Variants in FLNB observed in about 807,000 individuals in gnomAD.
FLNB encodes filamin-B.
In FLNB, 111 loss-of-function variants were observed where a neutral mutation model predicts 250.6. That is an observed-to-expected ratio of 0.44 (90% CI 0.38 to 0.52). The LOEUF is 0.52. Among genes scored for constraint, FLNB ranks in the 20% least tolerant of loss-of-function variants. The pLI, the probability that FLNB is intolerant of heterozygous loss-of-function variation, is 0.00. For missense variants in FLNB, 2,869 were observed against 3,447.8 expected (o/e 0.83, Z 4.20); for synonymous variants, 1,302 against 1,372.1 (o/e 0.95, Z 1.13).
intron 1 of FLNB, among the ~76,000 whole-genome samples, chr3:58,059,729 A>G (rs2097175360): frequency 6.6e-6 from 1 of 152,208 alleles, no homozygotes; most frequent in African/African-American, 2.4e-5. Context: ...TCTTACTGCC[A>G]CGACCGTTTA....
At chr3:58,148,406 G>A (rs560768340) in intron 35 of FLNB, 42 bp downstream of exon 35, 4 of 1,598,214 alleles carry the variant, frequency 2.5e-6, no homozygotes, top group South Asian at 1.1e-5. Flanking sequence ...AGGACATCTT[G>A]GGTGGGAGAT....
intron 26 of FLNB, among the ~76,000 whole-genome samples, chr3:58,134,334 C>T (rs924965197): frequency 2.0e-5 from 3 of 152,168 alleles, no homozygotes; most frequent in Non-Finnish European, 4.4e-5. Context: ...AAAGCATTCC[C>T]CCACCAGGCC....
intron 4 of FLNB, among the ~76,000 whole-genome samples, chr3:58,093,680 C>G (rs534011629): frequency 6.6e-6 from 1 of 152,028 alleles, no homozygotes; most frequent in South Asian, 2.1e-4. Context: ...CAGATGTTTA[C>G]AGCAGCTTTA....
chr3:58,037,229 A>C (rs968894818), intron 1 of FLNB, among the ~76,000 whole-genome samples: 72 of 152,012 alleles, frequency 4.7e-4, no homozygotes, highest in African/African-American at 1.7e-3. Flanking sequence ...CACACCCAGC[A>C]GATTTTTGTA....
intron 29 of FLNB, 79 bp downstream of exon 29, chr3:58,138,608 G>C: frequency 6.4e-7 from 1 of 1,570,416 alleles, no homozygotes; most frequent in Non-Finnish European, 8.7e-7. Flanking sequence ...CCCTGACTAG[G>C]ATATCCTCTT....
At chr3:58,070,797 C>T (rs1357582830) in intron 1 of FLNB, among the ~76,000 whole-genome samples, 4 of 151,648 alleles carry the variant, frequency 2.6e-5, no homozygotes, top group Non-Finnish European at 5.9e-5. Flanking sequence ...GTAGCTGGGA[C>T]TACAGGCACA....
rs575465032 is a variant in FLNB at position 58,110,250 on chromosome 3, T to C, written c.2484+80T>C. ...CCACTTGTGTGCATGTCTCATCTAC[T>C]TTTTGGTGTTTTGTTAGTATTATTA... On this transcript the variant is annotated intron_variant, in intron 16 of 45. Transcript: ENST00000295956. 196 of 1,406,864 alleles carry C rather than the reference T, an allele frequency of 1.4e-4. No individual in the cohort carries two copies. The African/African-American group carries it at 2.5e-3, about 18-fold the overall frequency. The allele number at this position is 1,406,864 out of a possible 1,614,324, so 87.1% of individuals were successfully genotyped here. A position where few individuals can be genotyped will look rare whatever the true frequency, so the allele number is the denominator to read the frequency against.
intron 1 of FLNB, among the ~76,000 whole-genome samples, chr3:58,030,006 C>T (rs2097128688): frequency 6.6e-6 from 1 of 152,172 alleles, no homozygotes. Flanking sequence ...GGGAAGAAGT[C>T]AGGATGTGCT....
At chr3:58,146,314 G>T (rs1190570855) in intron 33 of FLNB, among the ~76,000 whole-genome samples, 4 of 152,180 alleles carry the variant, frequency 2.6e-5, no homozygotes, top group African/African-American at 9.7e-5. Context: ...AGTGTGTTTT[G>T]GTTGGTGATG....
chr3:58,031,410 T>C (rs111607366), intron 1 of FLNB, among the ~76,000 whole-genome samples: 9 of 148,478 alleles, frequency 6.1e-5, no homozygotes, highest in Admixed American at 1.3e-4. Context: ...GCCTGGCTAA[T>C]TTTTTGTATT....
intron 18 of FLNB, among the ~76,000 whole-genome samples, chr3:58,113,796 A>G (rs897099890): frequency 1.3e-5 from 2 of 152,130 alleles, no homozygotes; most frequent in Non-Finnish European, 2.9e-5. Flanking sequence ...CTCCTGCCTC[A>G]GCCTCCCGAG....
At chr3:58,017,816 A>G (rs1310489947) in intron 1 of FLNB, among the ~76,000 whole-genome samples, 2 of 152,222 alleles carry the variant, frequency 1.3e-5, no homozygotes, top group African/African-American at 4.8e-5. Flanking sequence ...GCCCTTGGCC[A>G]AAATTTTCTT....
chr3:58,087,009 G>C (rs2097218399), intron 4 of FLNB, among the ~76,000 whole-genome samples: 1 of 152,156 alleles, frequency 6.6e-6, no homozygotes, highest in Admixed American at 6.5e-5. Flanking sequence ...TACTTGGGAG[G>C]CTGAGGCAGG....
intron 4 of FLNB, among the ~76,000 whole-genome samples, chr3:58,091,535 C>G (rs2097227384): frequency 6.6e-6 from 1 of 151,700 alleles, no homozygotes; most frequent in Non-Finnish European, 1.5e-5. Context: ...ACCCATATAA[C>G]TATAAAACTT....
chr3:58,062,101 T>G (rs1234749972), intron 1 of FLNB, among the ~76,000 whole-genome samples: 1 of 151,880 alleles, frequency 6.6e-6, no homozygotes, highest in Non-Finnish European at 1.5e-5. Context: ...AAAATAAAAA[T>G]AAAAAATCAA....
chr3:58,134,894 C>T, intron 27 of FLNB, 122 bp downstream of exon 27: 2 of 941,072 alleles, frequency 2.1e-6, no homozygotes, highest in South Asian at 3.1e-5. Flanking sequence ...GTTAGATTTT[C>T]CCACCAAAGA....
intron 1 of FLNB, among the ~76,000 whole-genome samples, chr3:58,064,166 G>A (rs1171090767): frequency 6.6e-6 from 1 of 152,156 alleles, no homozygotes; most frequent in Non-Finnish European, 1.5e-5. Flanking sequence ...TTGAGACGAA[G>A]TTTCACTCTT....
intron 11 of FLNB, among the ~76,000 whole-genome samples, chr3:58,105,451 A>G (rs1355039888): frequency 1.3e-5 from 2 of 152,238 alleles, no homozygotes; most frequent in East Asian, 3.8e-4. Context: ...TATTGTGCCT[A>G]AAACAATGCT....
chr3:58,161,008 C>T (rs1337502598), intron 42 of FLNB, among the ~76,000 whole-genome samples: 2 of 152,088 alleles, frequency 1.3e-5, no homozygotes, highest in African/African-American at 4.8e-5. Flanking sequence ...GGAATGTAGG[C>T]TCTGTGTGAA....
Sources: gnomAD v4.1 joint callset for allele counts (sites outside exome capture counted in the v4.1 genomes callset) on GRCh38, gnomAD v4.1.1 for gene constraint, MANE v1.5 for transcripts, NCBI Gene and HGNC (gene_info 2026-07-23, HGNC 2026-07-21) for gene names.